The following OVCH1 variants were observed in gnomAD, a reference collection of about 807,000 sequenced individuals.
OVCH1 encodes ovochymase 1.
OVCH1 carries 139 observed loss-of-function variants against 138.4 expected under a neutral mutation model. The ratio of observed to expected loss-of-function variants is 1.00; its 90% CI spans 0.87 to 1.16. The LOEUF is 1.16. OVCH1 is among the 50% of genes most tolerant of loss of function. The pLI, the probability that OVCH1 is intolerant of heterozygous loss-of-function variation, is 0.00. For missense variants in OVCH1, 1,367 were observed against 1,357.9 expected (o/e 1.01, Z -0.11); for synonymous variants, 453 against 467.8 (o/e 0.97, Z 0.41).
exon 16 of OVCH1, chr12:29,471,909 G>T (rs929481308): frequency 1.9e-6 from 3 of 1,613,496 alleles, no homozygotes; most frequent in Non-Finnish European, 2.5e-6. Context: ...GCCAACAGTG[G>T]GGGCAGGCTT....
chr12:29,413,816 A>T (rs7294371), intron 3 of OVCH1, among the ~76,000 whole-genome samples: 120,326 of 152,188 alleles, frequency 0.79, 47,820 homozygotes, highest in Middle Eastern at 0.88. Context: ...CTGTTCTTAA[A>T]AAAATTGTAT....
chr12:29,452,665 CCT>C (rs904359670), intron 21 of OVCH1, among the ~76,000 whole-genome samples: 1 of 152,064 alleles, frequency 6.6e-6, no homozygotes, highest in African/African-American at 2.4e-5. Flanking sequence ...AGTTTTTCTC[CCT>C]CTCTATATGA....
At chr12:29,490,369 T>G (rs1302298475) in intron 5 of OVCH1, among the ~76,000 whole-genome samples, 1 of 152,194 alleles carries the variant, frequency 6.6e-6, no homozygotes, top group Admixed American at 6.5e-5. Context: ...CGTGAGCCAC[T>G]GCGCCCTGCC....
chr12:29,482,407 C>A (rs965366563), intron 8 of OVCH1, among the ~76,000 whole-genome samples: 1 of 152,092 alleles, frequency 6.6e-6, no homozygotes, highest in Non-Finnish European at 1.5e-5. Context: ...ATATTGTATA[C>A]TTTCATTCTC....
chr12:29,492,288 TG>T (rs1236549570), intron 4 of OVCH1, among the ~76,000 whole-genome samples: 1 of 150,806 alleles, frequency 6.6e-6, no homozygotes, highest in Non-Finnish European at 1.5e-5. Context: ...TAGGGGACAG[TG>T]GGAGGCCAGG....
chr12:29,467,149 G>A (rs913857960), intron 16 of OVCH1, among the ~76,000 whole-genome samples: 5 of 152,094 alleles, frequency 3.3e-5, no homozygotes, highest in African/African-American at 1.2e-4. Context: ...TATCTGCCAT[G>A]CACGCTACTG....
At chr12:29,452,758 A>G (rs1025382208) in intron 21 of OVCH1, among the ~76,000 whole-genome samples, 1 of 152,190 alleles carries the variant, frequency 6.6e-6, no homozygotes, top group Non-Finnish European at 1.5e-5. Flanking sequence ...AATGGGAGTA[A>G]CAATTGAAAG....
At chr12:29,448,077 CACAA>C (rs1046901724) in intron 22 of OVCH1, among the ~76,000 whole-genome samples, 1 of 150,144 alleles carries the variant, frequency 6.7e-6, no homozygotes, top group African/African-American at 2.5e-5. Context: ...ACAATTTTTC[CACAA>C]ACAGTGGGAG....
chr12:29,469,697 T>C (rs1476944857), intron 16 of OVCH1, among the ~76,000 whole-genome samples: 1 of 146,010 alleles, frequency 6.8e-6, no homozygotes, highest in Non-Finnish European at 1.5e-5. Context: ...CTGTGCAACA[T>C]AGCAAGACCC....
intron 16 of OVCH1, among the ~76,000 whole-genome samples, chr12:29,467,940 C>T (rs879920527): frequency 5.3e-5 from 8 of 151,526 alleles, no homozygotes; most frequent in African/African-American, 1.7e-4. Context: ...GTTACACCAG[C>T]GTATGAGCAC....
At chr12:29,407,935 A>C (rs1209385969), downstream of OVCH1, among the ~76,000 whole-genome samples, 1 of 148,652 alleles carries the variant, frequency 6.7e-6, no homozygotes, top group Non-Finnish European at 1.5e-5. Context: ...CTTCCTACCC[A>C]TGAGCATGGA....
intron 1 of OVCH1, among the ~76,000 whole-genome samples, 198 bp from the exon 2 acceptor site, chr12:29,496,872 C>T (rs1298200234): frequency 2.0e-5 from 3 of 152,238 alleles, no homozygotes; most frequent in Non-Finnish European, 4.4e-5. Context: ...TGCCTCCTGT[C>T]TGCTCCCTTT....
At chr12:29,404,096 A>C in the OVCH1 span, among the ~76,000 whole-genome samples, 3 of 152,232 alleles carry the variant, frequency 2.0e-5, no homozygotes, top group Non-Finnish European at 2.9e-5. Context: ...CTGAAAAGAC[A>C]TTCATTTTTC....
chr12:29,474,437 A>T (rs1203041620), intron 14 of OVCH1, among the ~76,000 whole-genome samples: 1 of 152,200 alleles, frequency 6.6e-6, no homozygotes, highest in Non-Finnish European at 1.5e-5. Context: ...AAATGAGATA[A>T]TGCATGTGAA....
At chr12:29,482,446 T>C (rs1942965751) in intron 8 of OVCH1, among the ~76,000 whole-genome samples, 1 of 152,220 alleles carries the variant, frequency 6.6e-6, no homozygotes, top group Non-Finnish European at 1.5e-5. Flanking sequence ...TATTTTTTGA[T>C]ATAGCATTTA....
chr12:29,494,029 T>TGCCA (rs1943345221), intron 4 of OVCH1, among the ~76,000 whole-genome samples: 1 of 152,212 alleles, frequency 6.6e-6, no homozygotes, highest in African/African-American at 2.4e-5. Flanking sequence ...ACAGGTGATG[T>TGCCA]CAATTCCAGC....
At chr12:29,435,607 G>A (rs1941344729) in intron 26 of OVCH1, among the ~76,000 whole-genome samples, 1 of 152,060 alleles carries the variant, frequency 6.6e-6, no homozygotes, top group Non-Finnish European at 1.5e-5. Flanking sequence ...GCCCACCTCG[G>A]CCTCCCAAAG....
chr12:29,456,347 TGGAAATTTAA>T (rs1941950629), intron 19 of OVCH1, among the ~76,000 whole-genome samples: 1 of 152,208 alleles, frequency 6.6e-6, no homozygotes, highest in African/African-American at 2.4e-5. Flanking sequence ...GAAAGACACA[TGGAAATTTAA>T]CTTATAGTTA....
At chr12:29,409,819 G>T (rs1170649338), downstream of OVCH1, among the ~76,000 whole-genome samples, 10 of 152,164 alleles carry the variant, frequency 6.6e-5, no homozygotes, top group East Asian at 5.8e-4. Flanking sequence ...AGATGTCTAT[G>T]AGGTCTGCTT....
Sources: gnomAD v4.1 joint callset for allele counts (sites outside exome capture counted in the v4.1 genomes callset) on GRCh38, gnomAD v4.1.1 for gene constraint, MANE v1.5 for transcripts, NCBI Gene and HGNC (gene_info 2026-07-23, HGNC 2026-07-21) for gene names.